SPINDOC: variants seen among roughly 807,000 people sequenced by gnomAD.
The protein encoded by SPINDOC is spindlin interactor and repressor of chromatin-binding protein.
Under a neutral mutation model 30.7 loss-of-function variants are expected in SPINDOC, and 13 were observed. The ratio of observed to expected loss-of-function variants is 0.42; its 90% CI spans 0.28 to 0.67. The LOEUF is 0.67. SPINDOC is among the 30% of genes least tolerant of loss of function. SPINDOC has a pLI of 0.22. For synonymous variants in SPINDOC, 228 were observed against 211.4 expected, an observed-to-expected ratio of 1.08 and a Z score of -0.68; for missense variants, 438 against 518.0, an observed-to-expected ratio of 0.85 and a Z score of 1.50.
chr11:63,822,802 T>G, intron 5 of SPINDOC: 1 of 1,289,104 alleles, frequency 7.8e-7, no homozygotes, highest in Non-Finnish European at 1.0e-6. Context: ...GAGCCCTCAT[T>G]TCAAGTCCTG....
Position 63,827,429 on chromosome 11 carries a change from ACCT to A in SPINDOC, c.*296_*298del. 1 of 480,788 alleles carries A rather than the reference ACCT, an allele frequency of 2.1e-6. No individual in the cohort carries two copies. The allele number at this position is 480,788 out of a possible 1,614,324, so 29.8% of individuals were successfully genotyped here. On this transcript the variant is annotated 3_prime_UTR_variant, in exon 6 of 6. Transcript: ENST00000294244. ...CCCCCACCTCTGTTTGTCCCCCATG[ACCT>A]CCTCCCACCCTCCCCCTGCTCCCCA...
At position 63,817,793 on chromosome 11, in the gene SPINDOC, C is replaced by T. The variant is rs751317055; in HGVS notation, c.128-12C>T. The T allele has an allele frequency of 6.5e-7, 1 of 1,547,828 alleles. No individual in the cohort carries two copies. Among genetic ancestry groups the T allele is most frequent in the East Asian group, 2.4e-5 (1 of 42,076 alleles). On this transcript the variant is annotated splice_polypyrimidine_tract_variant and intron_variant, in intron 1 of 5. Transcript: ENST00000294244. ...CCTTTAGTGATAACACCCTCCCCCT[C>T]TCCCCTCGCAGTGACCCAACAGGAG...
intron 5 of SPINDOC, among the ~76,000 whole-genome samples, chr11:63,824,128 T>C (rs1213102502): frequency 6.6e-6 from 1 of 151,606 alleles, no homozygotes; most frequent in Admixed American, 6.6e-5. Context: ...CAGGCTAGTC[T>C]CAAACTCCTG....
intron 1 of SPINDOC, among the ~76,000 whole-genome samples, chr11:63,815,941 AT>A: frequency 6.6e-6 from 1 of 152,190 alleles, no homozygotes; most frequent in South Asian, 2.1e-4. Context: ...CTAATTTTGT[AT>A]TTTTAATAGA....
Position 63,818,141 on chromosome 11 carries a change from G to A in SPINDOC, c.457+7G>A, listed in dbSNP as rs776685644. The A allele has an allele frequency of 8.7e-6, 14 of 1,613,382 alleles. No homozygotes were observed. The South Asian group carries it at 1.1e-4, about 13-fold the overall frequency. On this transcript the variant is annotated splice_region_variant and intron_variant, in intron 2 of 5. Coordinates refer to ENST00000294244, the MANE Select transcript of SPINDOC (RefSeq NM_138471.3). The surrounding 1 kb of genome is among the most constrained non-coding windows in gnomAD (Gnocchi z 5.3). ...CCGTCCCCACCCAACTCAGGTAGTTGGTCCTGGGGCTGGCGAAGGGAGAAG... is the reference window on the plus strand; with the variant it reads ...CCGTCCCCACCCAACTCAGGTAGTTAGTCCTGGGGCTGGCGAAGGGAGAAG...
At chr11:63,817,006 A>C (rs2015359047) in intron 1 of SPINDOC, among the ~76,000 whole-genome samples, 1 of 151,796 alleles carries the variant, frequency 6.6e-6, no homozygotes, top group South Asian at 2.1e-4. Context: ...CATCTCTTAA[A>C]AATTATTTTT....
chr11:63,821,825 T>C (rs962909319), intron 5 of SPINDOC, among the ~76,000 whole-genome samples: 1 of 152,164 alleles, frequency 6.6e-6, no homozygotes, highest in African/African-American at 2.4e-5. Context: ...CATAGCTCAC[T>C]GCAACCTCAA....
chr11:63,821,519 G>A (rs943941929), intron 5 of SPINDOC, among the ~76,000 whole-genome samples: 21 of 152,196 alleles, frequency 1.4e-4, no homozygotes, highest in African/African-American at 3.6e-4. Flanking sequence ...ATTAGGATGA[G>A]ACTGGAATGT....
At position 63,827,147 on chromosome 11, in the gene SPINDOC, C is replaced by T; in HGVS notation, c.*8C>T. ...AAAGGGAATGGAGTGTAAATTCTTGCTTTCCTGGGGAGGGAGGGAGGGATG... is the reference window on the plus strand; with the variant it reads ...AAAGGGAATGGAGTGTAAATTCTTGTTTTCCTGGGGAGGGAGGGAGGGATG... On this transcript the variant is annotated 3_prime_UTR_variant, in exon 6 of 6. Coordinates refer to ENST00000294244, the MANE Select transcript of SPINDOC (RefSeq NM_138471.3). 1 of 778,660 alleles carries T rather than the reference C, an allele frequency of 1.3e-6. No homozygotes were observed. The highest frequency in any genetic ancestry group is 1.3e-5 in the South Asian group (1 of 75,724). 48.2% of individuals were successfully genotyped at this position (778,660 alleles called of 1,614,324 possible). A position where few individuals can be genotyped will look rare whatever the true frequency, so the allele number is the denominator to read the frequency against.
chr11:63,817,954 G>A lies in SPINDOC; in HGVS notation c.277G>A (p.Val93Met). The A allele has an allele frequency of 6.2e-7, 1 of 1,614,148 alleles. No individual in the cohort carries two copies. The highest frequency in any genetic ancestry group is 8.5e-7 in the Non-Finnish European group (1 of 1,180,032). Reference sequence around the variant, plus strand: ...AGGCAGCGGGCGGGCACTGTGCATGGTGTGTGGCGCTGAGATCCGGGCACC... The same window carrying A: ...AGGCAGCGGGCGGGCACTGTGCATGATGTGTGGCGCTGAGATCCGGGCACC... ...PGGSGRALCMVCGAEIRAPSA... is the reference protein window; with the variant it reads ...PGGSGRALCMMCGAEIRAPSA... Residue 93 changes from valine to methionine, a missense_variant, in exon 2 of 6, where the codon GTG becomes ATG. By Grantham distance (21) the Val-to-Met change is conservative (BLOSUM62 1). This residue lies in a region of SPINDOC where 129 missense variants were observed against 152.7 expected (regional missense o/e 0.84). Coordinates refer to ENST00000294244, the MANE Select transcript of SPINDOC (RefSeq NM_138471.3).
Position 63,815,585 on chromosome 11 carries a change from A to G in SPINDOC, c.127+1772A>G, listed in dbSNP as rs79880406. On this transcript the variant is annotated intron_variant, in intron 1 of 5. Transcript: ENST00000294244. The stretch of plus-strand genomic sequence containing the variant: ...AAACAGAAATTGCCAGCAGGCAGAC[A>G]GTGGGAAGAGAAGGAAGTAGAGAAG... 6.4e-3 allele frequency among the ~76,000 whole-genome samples: 976 copies of G among 152,314 alleles called. 13 individuals carry two copies. Among genetic ancestry groups the G allele is most frequent in the East Asian group, 0.038 (198 of 5,190 alleles).
Position 63,818,030 on chromosome 11 carries a change from T to C in SPINDOC, c.353T>C (p.Leu118Ser), listed in dbSNP as rs759032112. The change falls in exon 2 of 6, where the codon TTG becomes TCG. Residue 118 changes from leucine to serine, a missense_variant. This residue lies in a region of SPINDOC where 9 missense variants were observed against 32.5 expected (regional missense o/e 0.28). Transcript: ENST00000294244. The surrounding 1 kb of genome is among the most constrained non-coding windows in gnomAD (Gnocchi z 5.3). ...SHILEQHPHT[L>S]DLSPSEKSNI... The stretch of plus-strand genomic sequence containing the variant: ...ATCTTGGAGCAGCACCCTCACACCT[T>C]GGACCTGAGCCCTTCTGAGAAGAGC... 6.2e-7 allele frequency: 1 copy of C among 1,614,202 alleles called. No homozygotes were observed. The highest frequency in any genetic ancestry group is 1.1e-5 in the South Asian group (1 of 91,086).
Position 63,817,991 on chromosome 11 carries a change from C to T in SPINDOC, c.314C>T (p.Thr105Ile), listed in dbSNP as rs1252926368. The change falls in exon 2 of 6, where the codon ACA becomes ATA. Residue 105 changes from threonine to isoleucine, a missense_variant. Thr to Ile is a moderately conservative substitution (Grantham distance 89). Coordinates refer to ENST00000294244, the MANE Select transcript of SPINDOC (RefSeq NM_138471.3). ...GAGATCCGGGCACCCTCGGCCGACA[C>T]AGCTCGCTCGCACATCTTGGAGCAG... is the stretch of plus-strand genomic sequence containing the variant. Reference protein sequence around the residue: ...GAEIRAPSADTARSHILEQHP... With the variant: ...GAEIRAPSADIARSHILEQHP... The T allele has an allele frequency of 6.2e-7, 1 of 1,614,102 alleles. No homozygotes were observed. The highest frequency in any genetic ancestry group is 1.3e-5 in the African/African-American group (1 of 74,950).
chr11:63,827,548 C>G lies in SPINDOC; in HGVS notation c.*409C>G. On this transcript the variant is annotated 3_prime_UTR_variant, in exon 6 of 6. Transcript: ENST00000294244. ...TACCTCGGGGGACACCTCTCCTCCC[C>G]ACTTGTTCAGGCTTCTAAACCAGGA... is the stretch of plus-strand genomic sequence containing the variant. 1 of 238,388 alleles carries G rather than the reference C, an allele frequency of 4.2e-6. No homozygotes were observed. Among genetic ancestry groups the G allele is most frequent in the East Asian group, 9.4e-5 (1 of 10,634 alleles). The allele number at this position is 238,388 out of a possible 1,614,324, so 14.8% of individuals were successfully genotyped here. A position where few individuals can be genotyped will look rare whatever the true frequency, so the allele number is the denominator to read the frequency against.
At chr11:63,817,716 C>T in intron 1 of SPINDOC, 89 bp from the exon 2 acceptor site, 5 of 1,198,030 alleles carry the variant, frequency 4.2e-6, no homozygotes, top group Non-Finnish European at 5.8e-6. Flanking sequence ...CTCCCCCATC[C>T]CACTCAAACC....
At chr11:63,817,706 C>A in intron 1 of SPINDOC, 99 bp from the exon 2 acceptor site, 1 of 1,115,956 alleles carries the variant, frequency 9.0e-7, no homozygotes, top group Non-Finnish European at 1.3e-6. Flanking sequence ...AAATGCTCTC[C>A]TCCCCCATCC....
intron 5 of SPINDOC, chr11:63,823,104 C>T (rs1349652040): frequency 6.3e-6 from 8 of 1,274,608 alleles, no homozygotes; most frequent in Non-Finnish European, 8.2e-6. Context: ...ATGAGTGAGA[C>T]AGCCTTTGTC....
chr11:63,824,891 T>A (rs1414502921), intron 5 of SPINDOC, among the ~76,000 whole-genome samples: 1 of 152,188 alleles, frequency 6.6e-6, no homozygotes, highest in Non-Finnish European at 1.5e-5. Flanking sequence ...TTCAGTTTGC[T>A]GTGACCACAC....
chr11:63,825,475 G>C (rs1211710505), intron 5 of SPINDOC, among the ~76,000 whole-genome samples: 1 of 152,076 alleles, frequency 6.6e-6, no homozygotes, highest in Non-Finnish European at 1.5e-5. Context: ...CTTTGCATCT[G>C]TCCATATATA....
Sources: allele counts gnomAD v4.1 joint callset (sites outside exome capture counted in the v4.1 genomes callset), GRCh38; gene constraint gnomAD v4.1.1; regional missense constraint gnomAD v4.1.1; non-coding constraint Gnocchi (gnomAD v3.1); transcripts MANE v1.5; gene names NCBI Gene and HGNC (gene_info 2026-07-23, HGNC 2026-07-21).